MIA3: variants seen among roughly 807,000 people sequenced by gnomAD.
MIA3 encodes the protein MIA SH3 domain ER export factor 3, also known as transport and Golgi organization protein 1 homolog.
MIA3 carries 90 observed loss-of-function variants against 192.4 expected under a neutral mutation model. The observed-to-expected ratio is 0.47, with a 90% confidence interval of 0.39 to 0.56. The LOEUF (loss-of-function observed/expected upper bound fraction) is 0.56, where lower values mean the gene tolerates loss of function less well. Ranked by LOEUF, MIA3 falls within the 20% of genes least tolerant of loss-of-function variation. MIA3 has a pLI of 0.00. For synonymous variants in MIA3, 740 were observed against 792.8 expected, an observed-to-expected ratio of 0.93 and a Z score of 1.12; for missense variants, 2,123 against 2,269.4, an observed-to-expected ratio of 0.94 and a Z score of 1.31.
intron 12 of MIA3, 75 bp downstream of exon 12, chr1:222,652,123 T>C: frequency 7.6e-7 from 1 of 1,315,778 alleles, no homozygotes; most frequent in Non-Finnish European, 1.1e-6. Context: ...ATTTGATATA[T>C]GCTAAAATGT....
At chr1:222,620,138 T>C (rs1661791463) in intron 1 of MIA3, among the ~76,000 whole-genome samples, 2 of 152,202 alleles carry the variant, frequency 1.3e-5, no homozygotes, top group South Asian at 4.1e-4. Context: ...CCCTTCCAAA[T>C]CTATATGCGT....
At position 222,662,077 on chromosome 1, in the gene MIA3, C is replaced by T. The variant is rs1664043855; in HGVS notation, c.5135C>T (p.Pro1712Leu). The T allele has an allele frequency of 6.2e-7, 1 of 1,613,914 alleles. No homozygotes were observed. Among genetic ancestry groups the T allele is most frequent in the South Asian group, 1.1e-5 (1 of 91,084 alleles). The change falls in exon 25 of 28, where the codon CCT becomes CTT. Residue 1712 changes from proline (P) to leucine (L), a missense_variant. By Grantham distance (98) the Pro-to-Leu change is moderately conservative. Around this residue, in one of 3 missense-constraint regions of MIA3, gnomAD observed 762 missense variants for 856.4 expected, o/e 0.89. Transcript: ENST00000344922. ...SEFGSVDGPLPHPRWSAEASG... is the reference protein window; with the variant it reads ...SEFGSVDGPLLHPRWSAEASG... ...CAAGGATCAGTGGACGGGCCTCTAC[C>T]TCATCCTCGATGGTCAGCTGAGGCA...
chr1:222,652,242 T>A lies in MIA3; in HGVS notation c.3996T>A (p.Leu1332=), dbSNP rs1246382685. Residue 1332 remains leucine (L), a synonymous_variant, in exon 13 of 28, where the codon CTT becomes CTA. Coordinates refer to ENST00000344922, the MANE Select transcript of MIA3 (RefSeq NM_198551.4). ...ASEFSEVQIA[L]NEAKLSEEKV... ...TTTTGCATTAGGTTCAGATTGCACT[T>A]AATGAAGCTAAGCTTAGTGAAGAGA... The A allele has an allele frequency of 6.2e-7, 1 of 1,612,922 alleles. No homozygotes were observed. Among genetic ancestry groups the A allele is most frequent in the Non-Finnish European group, 8.5e-7 (1 of 1,179,098 alleles).
chr1:222,665,223 G>C, intron 27 of MIA3, 86 bp from the exon 28 acceptor site: 2 of 716,480 alleles, frequency 2.8e-6, no homozygotes, highest in South Asian at 2.0e-5. Flanking sequence ...AAAAAAAAAG[G>C]ATGACAGACT....
In MIA3 at chr1:222,653,209, C is replaced by G. The variant is rs1464588926; in HGVS notation, c.4210-19C>G. 1 of 1,601,380 alleles carries G rather than the reference C, an allele frequency of 6.2e-7. No individual in the cohort carries two copies. ...AATTAAATGGAAAGACTCTTAATGC[C>G]CTTTTACTTCTTTTCTAGGCTTTGA... On this transcript the variant is annotated intron_variant, in intron 14 of 27. Transcript: ENST00000344922.
At chr1:222,636,249 T>G (rs983197874) in intron 6 of MIA3, among the ~76,000 whole-genome samples, 2 of 152,220 alleles carry the variant, frequency 1.3e-5, no homozygotes, top group Admixed American at 1.3e-4. Flanking sequence ...TTAATGATAT[T>G]GAGCACTTTT....
intron 15 of MIA3, among the ~76,000 whole-genome samples, chr1:222,653,783 T>G (rs887710324): frequency 6.6e-6 from 1 of 152,156 alleles, no homozygotes; most frequent in African/African-American, 2.4e-5. Context: ...GTTTTGAGAG[T>G]ACTGAGGTGG....
At chr1:222,643,869 A>C (rs1042897477) in intron 6 of MIA3, among the ~76,000 whole-genome samples, 3 of 152,096 alleles carry the variant, frequency 2.0e-5, no homozygotes, top group Non-Finnish European at 4.4e-5. Context: ...TTTTTAATAG[A>C]GTGTCGGCAA....
intron 3 of MIA3, among the ~76,000 whole-genome samples, chr1:222,625,680 A>G (rs1372992425): frequency 6.6e-6 from 1 of 152,234 alleles, no homozygotes; most frequent in Admixed American, 6.5e-5. Context: ...GCATTTATCT[A>G]TAGTGCACAA....
At chr1:222,620,933 A>G (rs1386594886) in intron 1 of MIA3, among the ~76,000 whole-genome samples, 2 of 152,246 alleles carry the variant, frequency 1.3e-5, no homozygotes, top group African/African-American at 4.8e-5. Context: ...AGAGAAAAAT[A>G]GAGAAGGTTT....
intron 2 of MIA3, among the ~76,000 whole-genome samples, chr1:222,622,819 C>T (rs1376534615): frequency 6.6e-6 from 1 of 152,164 alleles, no homozygotes; most frequent in Non-Finnish European, 1.5e-5. Flanking sequence ...TGCTCATTCA[C>T]GTCTTCATCT....
chr1:222,651,122 G>A (rs1257668560), intron 11 of MIA3, among the ~76,000 whole-genome samples: 1 of 151,582 alleles, frequency 6.6e-6, no homozygotes, highest in East Asian at 1.9e-4. Context: ...CTAGGTAATT[G>A]TCATATTGCT....
At position 222,665,458 on chromosome 1, in the gene MIA3, A is replaced by G. The variant is rs2124938712; in HGVS notation, c.5563A>G (p.Ile1855Val). 6.2e-7 allele frequency: 1 copy of G among 1,613,950 alleles called. No homozygotes were observed. The highest frequency in any genetic ancestry group is 2.2e-5 in the East Asian group (1 of 44,862). Reference protein sequence around the residue: ...LGSLGPREYFIPGTRLPPPTH... With the variant: ...LGSLGPREYFVPGTRLPPPTH... Reference sequence around the variant, plus strand: ...TTCACTTGGCCCAAGAGAGTACTTTATTCCTGGTACCCGATTACCACCCCC... The same window carrying G: ...TTCACTTGGCCCAAGAGAGTACTTTGTTCCTGGTACCCGATTACCACCCCC... The change falls in exon 28 of 28, where the codon ATT (isoleucine) becomes GTT (valine). Residue 1855 changes from isoleucine to valine, a missense_variant. Physicochemically the swap from Ile to Val is conservative, Grantham distance 29. Transcript: ENST00000344922.
intron 9 of MIA3, 108 bp from the exon 10 acceptor site, chr1:222,650,526 A>G: frequency 1.1e-6 from 1 of 888,372 alleles, no homozygotes; most frequent in Admixed American, 2.3e-5. Context: ...TTAAGCAGTC[A>G]TATGTGTAAA....
chr1:222,660,022 T>G lies in MIA3; in HGVS notation c.4975+16T>G, dbSNP rs569973969. ...CCACGGAGAGGTAAGGGAGCTACCT[T>G]GTAAAGGGCAACAATCTGTTTTTTG... On this transcript the variant is annotated intron_variant, in intron 23 of 27. Coordinates refer to ENST00000344922, the MANE Select transcript of MIA3 (RefSeq NM_198551.4). The G allele has an allele frequency of 6.2e-7, 1 of 1,600,510 alleles. No homozygotes were observed. Among genetic ancestry groups the G allele is most frequent in the Admixed American group, 1.7e-5 (1 of 58,758 alleles).
intron 6 of MIA3, among the ~76,000 whole-genome samples, chr1:222,643,527 C>A (rs931548112): frequency 3.3e-5 from 5 of 151,964 alleles, no homozygotes; most frequent in Admixed American, 2.6e-4. Context: ...GAAGAGAGAC[C>A]TTTAAAGGTC....
chr1:222,664,285 C>T (rs1297100092), intron 27 of MIA3, 137 bp downstream of exon 27: 2 of 861,758 alleles, frequency 2.3e-6, no homozygotes, highest in African/African-American at 3.4e-5. Context: ...AACTTTTCCC[C>T]AAGTTTCTTC....
At chr1:222,626,238 C>T (rs1662111962) in intron 3 of MIA3, among the ~76,000 whole-genome samples, 1 of 152,144 alleles carries the variant, frequency 6.6e-6, no homozygotes, top group African/African-American at 2.4e-5. Context: ...TAAAATTTCT[C>T]GACGCTCTCA....
intron 6 of MIA3, among the ~76,000 whole-genome samples, chr1:222,643,785 A>T (rs907710634): frequency 6.7e-6 from 1 of 148,288 alleles, no homozygotes; most frequent in African/African-American, 2.5e-5. Flanking sequence ...GCCACCATCT[A>T]AAAAAAAAAG....
Sources: allele counts gnomAD v4.1 joint callset (sites outside exome capture counted in the v4.1 genomes callset), GRCh38; gene constraint gnomAD v4.1.1; regional missense constraint gnomAD v4.1.1; transcripts MANE v1.5; gene names NCBI Gene and HGNC (gene_info 2026-07-23, HGNC 2026-07-21).